The following LRRC1 variants were observed in gnomAD, a reference collection of about 807,000 sequenced individuals.
The protein encoded by LRRC1 is leucine-rich repeat-containing protein 1.
Under a neutral mutation model 69.9 loss-of-function variants are expected in LRRC1, and 28 were observed. The ratio of observed to expected loss-of-function variants is 0.40; its 90% CI spans 0.30 to 0.55. The LOEUF is 0.55. Among genes scored for constraint, LRRC1 ranks in the 20% least tolerant of loss-of-function variants. The pLI, the probability that LRRC1 is intolerant of heterozygous loss-of-function variation, is 0.47. For missense variants in LRRC1, 498 were observed against 609.0 expected (o/e 0.82, Z 1.92); for synonymous variants, 236 against 240.2 (o/e 0.98, Z 0.16).
chr6:53,883,241 A>T (rs926426406), intron 4 of LRRC1, among the ~76,000 whole-genome samples: 2 of 152,224 alleles, frequency 1.3e-5, no homozygotes, highest in Non-Finnish European at 2.9e-5. Flanking sequence ...AAACTGATGT[A>T]TGGCAAAGTA....
intron 2 of LRRC1, among the ~76,000 whole-genome samples, chr6:53,865,712 T>G (rs1297576442): frequency 1.4e-5 from 2 of 140,014 alleles, no homozygotes; most frequent in African/African-American, 5.4e-5. Flanking sequence ...GAGAACTTAC[T>G]TAATGACTCA....
chr6:53,849,213 C>T (rs989602600), intron 2 of LRRC1, among the ~76,000 whole-genome samples: 23 of 152,164 alleles, frequency 1.5e-4, no homozygotes, highest in African/African-American at 5.3e-4. Context: ...TCCTTATCTT[C>T]GTACTCCATC....
At chr6:53,876,745 G>A (rs1435691013) in intron 2 of LRRC1, among the ~76,000 whole-genome samples, 1 of 152,196 alleles carries the variant, frequency 6.6e-6, no homozygotes, top group African/African-American at 2.4e-5. Context: ...GCTGATGTAA[G>A]AGGTATGTTC....
At chr6:53,817,508 C>T (rs1339197305) in intron 1 of LRRC1, among the ~76,000 whole-genome samples, 2 of 152,068 alleles carry the variant, frequency 1.3e-5, no homozygotes, top group African/African-American at 4.8e-5. Context: ...GCTCTATTCA[C>T]CATGCTGTGC....
chr6:53,877,317 G>A (rs1767105725), intron 2 of LRRC1, among the ~76,000 whole-genome samples: 1 of 152,198 alleles, frequency 6.6e-6, no homozygotes, highest in African/African-American at 2.4e-5. Context: ...AGGCCTCTGG[G>A]CCTGTGATAG....
chr6:53,856,053 C>G (rs1766298319), intron 2 of LRRC1, among the ~76,000 whole-genome samples: 1 of 152,200 alleles, frequency 6.6e-6, no homozygotes, highest in African/African-American at 2.4e-5. Context: ...GTGCTAGCAA[C>G]TGTTCTGTCC....
In LRRC1 at chr6:53,922,955, A is replaced by G; in HGVS notation, c.*162A>G. On this transcript the variant is annotated 3_prime_UTR_variant, in exon 14 of 14. Transcript: ENST00000370888. ...CTGTCTCCCAGGAAGTGCCTTACTC[A>G]TCCCGCAACCAGTCAGCGCACCAGT... is the stretch of plus-strand genomic sequence containing the variant. 3.3e-6 allele frequency: 2 copies of G among 604,054 alleles called. No individual in the cohort carries two copies. Among genetic ancestry groups the G allele is most frequent in the Non-Finnish European group, 5.7e-6 (2 of 350,752 alleles). The allele number at this position is 604,054 out of a possible 1,614,324, so 37.4% of individuals were successfully genotyped here.
chr6:53,879,645 A>C (rs1468149218), intron 3 of LRRC1, among the ~76,000 whole-genome samples: 2 of 151,804 alleles, frequency 1.3e-5, no homozygotes, highest in East Asian at 1.9e-4. Flanking sequence ...AAACAAAAAA[A>C]CCCAAAAAAC....
At chr6:53,812,354 CAGTTGAATTAT>C (rs1277261552) in intron 1 of LRRC1, among the ~76,000 whole-genome samples, 1 of 152,114 alleles carries the variant, frequency 6.6e-6, no homozygotes, top group African/African-American at 2.4e-5. Flanking sequence ...TGAAGGATAA[CAGTTGAATTAT>C]TGGTTTGAGT....
chr6:53,859,791 A>T (rs1282520064), intron 2 of LRRC1, among the ~76,000 whole-genome samples: 1 of 151,264 alleles, frequency 6.6e-6, no homozygotes, highest in East Asian at 1.9e-4. Flanking sequence ...CTTTATAATT[A>T]AAAAAAAATC....
Position 53,917,875 on chromosome 6 carries a change from G to A in LRRC1, c.1107-1623G>A, listed in dbSNP as rs1768617370. ...CCTATTTAAGAAAATCCTTGTCACA[G>A]TACCTGGCAAATACATGTTTTTAAC... On this transcript the variant is annotated intron_variant, in intron 11 of 13. Coordinates refer to ENST00000370888, the MANE Select transcript of LRRC1 (RefSeq NM_018214.5). 2.0e-5 allele frequency among the ~76,000 whole-genome samples: 3 copies of A among 152,242 alleles called. No homozygotes were observed. In the South Asian group the frequency reaches 6.2e-4, roughly 32 times the overall value.
chr6:53,922,691 G>A lies in LRRC1; in HGVS notation c.1473G>A (p.Lys491=). 4 of 1,614,150 alleles carry A rather than the reference G, an allele frequency of 2.5e-6. No individual in the cohort carries two copies. Among genetic ancestry groups the A allele is most frequent in the Middle Eastern group, 1.6e-4 (1 of 6,062 alleles). The stretch of plus-strand genomic sequence containing the variant: ...CAGGGGAGTTAAAGCACATGAAAAA[G>A]ACAGTGGAGAATTTACGGAATGACA... ...PHPGELKHMK[K]TVENLRNDMN... The change falls in exon 14 of 14, where the codon AAG becomes AAA. Residue 491 remains lysine (K), a synonymous_variant. Transcript: ENST00000370888.
At chr6:53,884,963 T>G (rs1767425648) in intron 4 of LRRC1, among the ~76,000 whole-genome samples, 3 of 152,228 alleles carry the variant, frequency 2.0e-5, no homozygotes, top group African/African-American at 7.2e-5. Flanking sequence ...ACTGATTGTT[T>G]ACTGAATAAA....
At chr6:53,920,428 A>C in intron 12 of LRRC1, 197 bp from the exon 13 acceptor site, 1 of 520,052 alleles carries the variant, frequency 1.9e-6, no homozygotes, top group Non-Finnish European at 3.4e-6. Flanking sequence ...ACCTTGTCCC[A>C]GGCCTTTTTC....
intron 1 of LRRC1, among the ~76,000 whole-genome samples, chr6:53,815,235 G>A (rs1764917713): frequency 6.6e-6 from 1 of 152,106 alleles, no homozygotes; most frequent in Non-Finnish European, 1.5e-5. Context: ...GAAACAGTGG[G>A]GCAGTGGGCT....
At chr6:53,921,865 T>C (rs972572485) in intron 13 of LRRC1, among the ~76,000 whole-genome samples, 1 of 152,226 alleles carries the variant, frequency 6.6e-6, no homozygotes, top group African/African-American at 2.4e-5. Flanking sequence ...TGGATGACTC[T>C]TTAATGCTTA....
intron 3 of LRRC1, among the ~76,000 whole-genome samples, chr6:53,881,969 T>C (rs1226713921): frequency 6.6e-6 from 1 of 152,194 alleles, no homozygotes; most frequent in Non-Finnish European, 1.5e-5. Flanking sequence ...AAGGGACATA[T>C]AAAAAATATC....
At chr6:53,895,478 A>T (rs375286041) in intron 4 of LRRC1, among the ~76,000 whole-genome samples, 2 of 152,308 alleles carry the variant, frequency 1.3e-5, no homozygotes, top group African/African-American at 4.8e-5. Flanking sequence ...ATGGAGGATT[A>T]AGGCAGATTA....
intron 2 of LRRC1, among the ~76,000 whole-genome samples, chr6:53,848,746 CT>C (rs917827293): frequency 1.4e-5 from 2 of 141,446 alleles, no homozygotes; most frequent in Non-Finnish European, 3.1e-5. Context: ...GCTTACATAA[CT>C]TTTTTTCTTT....
Sources: gnomAD v4.1 joint callset for allele counts (sites outside exome capture counted in the v4.1 genomes callset) on GRCh38, gnomAD v4.1.1 for gene constraint, MANE v1.5 for transcripts, NCBI Gene and HGNC (gene_info 2026-07-23, HGNC 2026-07-21) for gene names.